Variants in ERGIC2 observed in about 807,000 individuals in gnomAD.
ERGIC2 encodes ERGIC and golgi 2, also known as endoplasmic reticulum-Golgi intermediate compartment protein 2.
Under a neutral mutation model 52.5 loss-of-function variants are expected in ERGIC2, and 31 were observed. The observed-to-expected ratio is 0.59, with a 90% CI of 0.44 to 0.80. The LOEUF is 0.80. Ranked by LOEUF, ERGIC2 falls within the 30% of genes least tolerant of loss-of-function variation. ERGIC2 has a pLI of 0.00. For missense variants in ERGIC2, 395 were observed against 455.2 expected (o/e 0.87, Z 1.20); for synonymous variants, 129 against 140.6 (o/e 0.92, Z 0.58).
chr12:29,361,134 G>A (rs1041989792), intron 6 of ERGIC2, among the ~76,000 whole-genome samples: 2 of 151,950 alleles, frequency 1.3e-5, no homozygotes, highest in African/African-American at 4.8e-5. Flanking sequence ...TGTAGTGTGC[G>A]CCAGCTACTC....
chr12:29,366,598 T>G (rs1002573761), intron 5 of ERGIC2, among the ~76,000 whole-genome samples: 27 of 151,770 alleles, frequency 1.8e-4, no homozygotes, highest in African/African-American at 6.0e-4. Context: ...AGGAAACTAC[T>G]GGAAAGTAAT....
intron 10 of ERGIC2, among the ~76,000 whole-genome samples, chr12:29,346,618 T>A (rs796322023): frequency 9.2e-5 from 14 of 152,284 alleles, no homozygotes; most frequent in African/African-American, 3.4e-4. Context: ...TTAGCTAGCC[T>A]TTGAATAAAT....
chr12:29,373,249 A>G (rs1386674188), intron 1 of ERGIC2, among the ~76,000 whole-genome samples: 1 of 152,180 alleles, frequency 6.6e-6, no homozygotes, highest in East Asian at 1.9e-4. Context: ...CTACATCTAA[A>G]AATGTTATAA....
intron 4 of ERGIC2, among the ~76,000 whole-genome samples, chr12:29,367,559 G>A (rs927297896): frequency 4.6e-5 from 7 of 151,844 alleles, no homozygotes; most frequent in African/African-American, 1.2e-4. Flanking sequence ...ATTCAAGGTC[G>A]TTCTGAGATA....
chr12:29,342,679 A>G (rs975156040), intron 12 of ERGIC2, among the ~76,000 whole-genome samples: 2 of 152,228 alleles, frequency 1.3e-5, no homozygotes, highest in African/African-American at 4.8e-5. Flanking sequence ...GTACTATAAC[A>G]TATGATTTTA....
At chr12:29,375,045 A>G (rs768058113) in intron 1 of ERGIC2, among the ~76,000 whole-genome samples, 1 of 152,136 alleles carries the variant, frequency 6.6e-6, no homozygotes, top group Non-Finnish European at 1.5e-5. Context: ...CGTTCCAACC[A>G]TATTAAATCA....
chr12:29,349,660 A>AGAC (rs1565537230), intron 9 of ERGIC2, among the ~76,000 whole-genome samples: 1 of 152,044 alleles, frequency 6.6e-6, no homozygotes. Flanking sequence ...TTAAGTCTTA[A>AGAC]GACAATCATG....
At chr12:29,360,629 T>C (rs2136867478) in intron 6 of ERGIC2, among the ~76,000 whole-genome samples, 1 of 148,014 alleles carries the variant, frequency 6.8e-6, no homozygotes, top group African/African-American at 2.4e-5. Context: ...ATATAGATTA[T>C]ATGTAAGAAT....
rs1278931012 is a variant in ERGIC2 at position 29,356,488 on chromosome 12, A to G, written c.477-11T>C. ...GATGAATCATCTTCTCTGTTAAAAT[A>G]AGATATATTATTTAAAGCACATTCA... On this transcript the variant is annotated splice_polypyrimidine_tract_variant and intron_variant, in intron 7 of 13. Coordinates refer to ENST00000360150, the MANE Select transcript of ERGIC2 (RefSeq NM_016570.3). The G allele has an allele frequency of 6.9e-7, 1 of 1,451,474 alleles. No individual in the cohort carries two copies. The highest frequency in any genetic ancestry group is 9.7e-7 in the Non-Finnish European group (1 of 1,033,402). 89.9% of individuals were successfully genotyped at this position (1,451,474 alleles called of 1,614,324 possible).
At chr12:29,370,978 C>T (rs963369164) in intron 2 of ERGIC2, among the ~76,000 whole-genome samples, 71 of 152,156 alleles carry the variant, frequency 4.7e-4, no homozygotes, top group African/African-American at 1.6e-3. Flanking sequence ...ACCCATTTTA[C>T]CAAATAAAAT....
intron 1 of ERGIC2, among the ~76,000 whole-genome samples, chr12:29,374,352 A>AGG (rs1429139780): frequency 5.3e-5 from 8 of 152,128 alleles, no homozygotes; most frequent in African/African-American, 1.9e-4. Context: ...TCTACCTGGA[A>AGG]AACCCTCTTT....
intron 1 of ERGIC2, among the ~76,000 whole-genome samples, chr12:29,379,048 T>C (rs1471758238): frequency 6.6e-6 from 1 of 152,114 alleles, no homozygotes; most frequent in Non-Finnish European, 1.5e-5. Context: ...CTCCTGAAGT[T>C]AGGATGGCAT....
intron 5 of ERGIC2, among the ~76,000 whole-genome samples, chr12:29,365,766 A>C (rs1196206706): frequency 6.6e-6 from 1 of 152,036 alleles, no homozygotes; most frequent in Non-Finnish European, 1.5e-5. Context: ...ATAATCACTT[A>C]GATCAAAATG....
chr12:29,366,975 T>C (rs773280378), intron 4 of ERGIC2, 28 bp from the exon 5 acceptor site: 46 of 1,481,486 alleles, frequency 3.1e-5, no homozygotes, highest in Non-Finnish European at 1.0e-5. Context: ...TTAGAAGTTT[T>C]ACATTCTATG....
At chr12:29,366,538 A>G (rs1940364706) in intron 5 of ERGIC2, among the ~76,000 whole-genome samples, 1 of 151,942 alleles carries the variant, frequency 6.6e-6, no homozygotes, top group Admixed American at 6.6e-5. Flanking sequence ...TTTCCAAATT[A>G]CTAGAGAAAA....
intron 13 of ERGIC2, 96 bp downstream of exon 13, chr12:29,341,638 C>T: frequency 1.4e-6 from 1 of 698,592 alleles, no homozygotes; most frequent in Non-Finnish European, 2.5e-6. Flanking sequence ...CTCCCAAAGT[C>T]TTGGGATTAC....
intron 11 of ERGIC2, among the ~76,000 whole-genome samples, chr12:29,344,857 T>C (rs546877736): frequency 2.0e-5 from 3 of 152,250 alleles, no homozygotes; most frequent in Admixed American, 2.0e-4. Context: ...CCAAAGTAGA[T>C]AAGAAATCTA....
chr12:29,343,417 T>C, intron 11 of ERGIC2, 135 bp from the exon 12 acceptor site: 1 of 547,968 alleles, frequency 1.8e-6, no homozygotes, highest in Middle Eastern at 4.6e-4. Flanking sequence ...CATTTCCTTA[T>C]GAACTGTCCT....
intron 11 of ERGIC2, among the ~76,000 whole-genome samples, chr12:29,343,856 A>G (rs1949857706): frequency 6.6e-6 from 1 of 152,176 alleles, no homozygotes; most frequent in Non-Finnish European, 1.5e-5. Context: ...CATATACATA[A>G]TGAAAGACTA....
Sources: gnomAD v4.1 joint callset for allele counts (sites outside exome capture counted in the v4.1 genomes callset) on GRCh38, gnomAD v4.1.1 for gene constraint, MANE v1.5 for transcripts, NCBI Gene and HGNC (gene_info 2026-07-23, HGNC 2026-07-21) for gene names.